OPRM1: variants seen among roughly 807,000 people sequenced by gnomAD.
OPRM1 encodes opioid receptor mu 1, also known as mu-type opioid receptor.
Under a neutral mutation model 31.8 loss-of-function variants are expected in OPRM1, and 27 were observed. That is an observed-to-expected ratio of 0.85 (90% CI 0.63 to 1.17). The LOEUF is 1.17. Ranked by LOEUF, OPRM1 falls within the 50% of genes most tolerant of loss-of-function variation. The pLI is 0.00. For missense variants in OPRM1, 536 were observed against 511.1 expected, an observed-to-expected ratio of 1.05 and a Z score of -0.47; for synonymous variants, 196 against 189.9, an observed-to-expected ratio of 1.03 and a Z score of -0.26.
chr6:154,181,531 G>C (rs778849555), intron 3 of OPRM1, among the ~76,000 whole-genome samples: 56 of 152,298 alleles, frequency 3.7e-4, no homozygotes, highest in South Asian at 2.9e-3. Context: ...GCGTTCTTTT[G>C]AATGAAAGTC....
intron 1 of OPRM1, among the ~76,000 whole-genome samples, chr6:154,028,061 A>G (rs1173487582): frequency 6.6e-6 from 1 of 152,088 alleles, no homozygotes; most frequent in African/African-American, 2.4e-5. Context: ...GTCTTACCCC[A>G]TAGTCACCAT....
At chr6:154,067,724 A>G (rs946503750) in intron 1 of OPRM1, among the ~76,000 whole-genome samples, 41 of 151,932 alleles carry the variant, frequency 2.7e-4, no homozygotes, top group Non-Finnish European at 8.8e-5. Context: ...TCATCTGATT[A>G]TTCTATCCTT....
intron 3 of OPRM1, among the ~76,000 whole-genome samples, chr6:154,138,296 A>T (rs36080926): frequency 1.3e-3 from 196 of 152,312 alleles, no homozygotes; most frequent in Non-Finnish European, 2.4e-3. Context: ...TTTTAATGCT[A>T]ATATTTTAGA....
At chr6:154,060,381 C>T (rs1012100438) in intron 1 of OPRM1, among the ~76,000 whole-genome samples, 1 of 152,056 alleles carries the variant, frequency 6.6e-6, no homozygotes, top group African/African-American at 2.4e-5. Flanking sequence ...GTGGAAACTC[C>T]CACATTTTAT....
At chr6:154,141,553 G>A (rs776342576) in intron 3 of OPRM1, among the ~76,000 whole-genome samples, 12 of 152,228 alleles carry the variant, frequency 7.9e-5, no homozygotes, top group Non-Finnish European at 1.6e-4. Flanking sequence ...CTGTGACACA[G>A]CCTCAGGAGG....
At chr6:154,195,336 A>C (rs1444262979) in intron 3 of OPRM1, among the ~76,000 whole-genome samples, 1 of 151,776 alleles carries the variant, frequency 6.6e-6, no homozygotes, top group Admixed American at 6.5e-5. Context: ...TTTAATAGAG[A>C]TGGGGTTTCA....
At chr6:154,152,352 GAAA>G (rs1798549078) in intron 3 of OPRM1, among the ~76,000 whole-genome samples, 3 of 140,808 alleles carry the variant, frequency 2.1e-5, no homozygotes, top group African/African-American at 8.5e-5. Flanking sequence ...AGAAAGGAAA[GAAA>G]GAAAGAAAGA....
chr6:154,184,233 A>G (rs925009885), intron 3 of OPRM1, among the ~76,000 whole-genome samples: 2 of 152,094 alleles, frequency 1.3e-5, no homozygotes, highest in Admixed American at 6.5e-5. Context: ...CTCAAAATGT[A>G]ATAGCACTGG....
rs1797404172 is a variant in OPRM1, at chr6:154,123,308, G to C, written c.*4587G>C. On this transcript the variant is annotated 3_prime_UTR_variant, in exon 4 of 4. Transcript: ENST00000330432. The stretch of plus-strand genomic sequence containing the variant: ...CAAGTTCCCACGGAGCAGAAAAAAG[G>C]AGGAAACTTTTTCCTGGGAGCCCAC... Among the ~76,000 whole-genome samples the C allele has an allele frequency of 6.6e-6, 1 of 152,046 alleles. No individual in the cohort carries two copies. Among genetic ancestry groups the C allele is most frequent in the Admixed American group, 6.6e-5 (1 of 15,254 alleles).
chr6:154,100,300 A>ATATTATGACATATATCATAATATATATAG (rs1562473045), intron 3 of OPRM1, among the ~76,000 whole-genome samples: 1 of 146,512 alleles, frequency 6.8e-6, no homozygotes, highest in Admixed American at 6.9e-5. Context: ...AATATATATC[A>ATATTATGACATATATCATAATATATATAG]AAAAGTCACA....
chr6:154,135,400 G>A (rs1481861422), downstream of OPRM1, among the ~76,000 whole-genome samples: 1 of 151,958 alleles, frequency 6.6e-6, no homozygotes, highest in Non-Finnish European at 1.5e-5. Context: ...AATCTGAGAG[G>A]TGGAGGTTGC....
intron 3 of OPRM1, among the ~76,000 whole-genome samples, chr6:154,143,338 C>T (rs934961900): frequency 1.6e-4 from 25 of 152,162 alleles, no homozygotes; most frequent in Non-Finnish European, 3.2e-4. Flanking sequence ...CAAAATGCAG[C>T]TCAAACTTCA....
At chr6:154,236,096 T>C (rs961895321) in intron 3 of OPRM1, among the ~76,000 whole-genome samples, 1 of 152,204 alleles carries the variant, frequency 6.6e-6, no homozygotes, top group African/African-American at 2.4e-5. Flanking sequence ...TCATCTCTAT[T>C]GTGAATATTG....
intron 3 of OPRM1, among the ~76,000 whole-genome samples, 154 bp from the exon 4 acceptor site, chr6:154,118,529 T>C (rs1222389734): frequency 1.3e-5 from 2 of 152,240 alleles, no homozygotes. Flanking sequence ...AAGAGATTGA[T>C]TAATGTCTTG....
chr6:154,204,308 A>G (rs574265070), intron 3 of OPRM1, among the ~76,000 whole-genome samples: 1 of 152,224 alleles, frequency 6.6e-6, no homozygotes, highest in African/African-American at 2.4e-5. Flanking sequence ...CCCTGTAATT[A>G]GGCAGAAGTG....
intron 1 of OPRM1, among the ~76,000 whole-genome samples, chr6:154,055,415 A>C (rs572209969): frequency 2.6e-5 from 4 of 152,250 alleles, no homozygotes; most frequent in African/African-American, 9.6e-5. Flanking sequence ...ACAAAAAAAA[A>C]AAAATAAAAG....
intron 1 of OPRM1, among the ~76,000 whole-genome samples, chr6:154,084,422 G>C (rs546042927): frequency 1.1e-3 from 161 of 150,944 alleles, no homozygotes; most frequent in African/African-American, 3.6e-3. Flanking sequence ...CAGACAGACA[G>C]ACACACACAC....
chr6:154,076,917 T>C (rs1474103394), intron 1 of OPRM1, among the ~76,000 whole-genome samples: 2 of 152,172 alleles, frequency 1.3e-5, no homozygotes, highest in African/African-American at 2.4e-5. Context: ...TTCAGGTCCA[T>C]GAATGTGGAT....
At position 154,131,262 on chromosome 6, in the gene OPRM1, C is replaced by T. The variant is rs1797879698; in HGVS notation, c.*12541C>T. Among the ~76,000 whole-genome samples the T allele has an allele frequency of 6.6e-6, 1 of 152,148 alleles. No individual in the cohort carries two copies. The highest frequency in any genetic ancestry group is 2.1e-4 in the South Asian group (1 of 4,822). Reference sequence around the variant, plus strand: ...AAAAAATCAAAATATTGTAAAGAATCTGAGTAAATGAGAGCCTCTCATGGT... The same window carrying T: ...AAAAAATCAAAATATTGTAAAGAATTTGAGTAAATGAGAGCCTCTCATGGT... On this transcript the variant is annotated 3_prime_UTR_variant, in exon 4 of 4. Coordinates refer to ENST00000330432, the MANE Select transcript of OPRM1 (RefSeq NM_000914.5).
Sources: gnomAD v4.1 joint callset for allele counts (sites outside exome capture counted in the v4.1 genomes callset) on GRCh38, gnomAD v4.1.1 for gene constraint, MANE v1.5 for transcripts, NCBI Gene and HGNC (gene_info 2026-07-23, HGNC 2026-07-21) for gene names.